The following ETV6 variants were observed in gnomAD, a reference collection of about 807,000 sequenced individuals.
The protein encoded by ETV6 is ETS variant transcription factor 6.
Under a neutral mutation model 51.1 loss-of-function variants are expected in ETV6, and 16 were observed. The ratio of observed to expected loss-of-function variants is 0.31; its 90% CI spans 0.21 to 0.48. The LOEUF (loss-of-function observed/expected upper bound fraction) is 0.48, where lower values mean the gene tolerates loss of function less well. Among genes scored for constraint, ETV6 ranks in the 20% least tolerant of loss-of-function variants. The pLI, the probability that ETV6 is intolerant of heterozygous loss-of-function variation, is 0.99. For missense variants in ETV6, 458 were observed against 594.8 expected (o/e 0.77, Z 2.39); for synonymous variants, 240 against 224.1 (o/e 1.07, Z -0.64).
intron 1 of ETV6, among the ~76,000 whole-genome samples, chr12:11,736,236 A>G (rs1196862375): frequency 1.3e-5 from 2 of 152,230 alleles, no homozygotes; most frequent in Admixed American, 1.3e-4. Flanking sequence ...TTCATTCACC[A>G]GACAATTGTT....
At chr12:11,734,665 A>G (rs1267943368) in intron 1 of ETV6, among the ~76,000 whole-genome samples, 1 of 152,124 alleles carries the variant, frequency 6.6e-6, no homozygotes, top group African/African-American at 2.4e-5. Context: ...GCACTATGCA[A>G]AATTGTAGGG....
intron 1 of ETV6, among the ~76,000 whole-genome samples, chr12:11,729,717 G>T (rs1184574243): frequency 6.6e-6 from 1 of 152,044 alleles, no homozygotes; most frequent in Non-Finnish European, 1.5e-5. Context: ...TTGACCTCTG[G>T]ATAAAACTGT....
At position 11,723,991 on chromosome 12, in the gene ETV6, A is replaced by G. The variant is rs192092289; in HGVS notation, c.34-28459A>G. On this transcript the variant is annotated intron_variant, in intron 1 of 7. Transcript: ENST00000396373. ...AGAACAGGGCCTTTAAAGTCACCCT[A>G]TGTTCTCTGACCCGTGCAGTGGTGG... Among the ~76,000 whole-genome samples, 604 of 151,848 alleles carry G rather than the reference A, an allele frequency of 4.0e-3. 7 individuals carry two copies. Among genetic ancestry groups the G allele is most frequent in the African/African-American group, 0.014 (570 of 41,408 alleles).
intron 3 of ETV6, among the ~76,000 whole-genome samples, chr12:11,848,421 T>G (rs1024965493): frequency 1.3e-5 from 2 of 152,236 alleles, no homozygotes; most frequent in African/African-American, 4.8e-5. Flanking sequence ...CAACAGCATC[T>G]TGCATGTTCT....
At chr12:11,860,132 C>T (rs558566691) in intron 4 of ETV6, among the ~76,000 whole-genome samples, 182 of 152,266 alleles carry the variant, frequency 1.2e-3, no homozygotes, top group Non-Finnish European at 2.1e-3. Flanking sequence ...GTGCAGGTCA[C>T]GCCTTGAAAG....
chr12:11,788,712 T>C (rs1945526571), intron 2 of ETV6, among the ~76,000 whole-genome samples: 1 of 152,030 alleles, frequency 6.6e-6, no homozygotes, highest in African/African-American at 2.4e-5. Flanking sequence ...ACTGATTCTT[T>C]TGTCATTCAC....
At chr12:11,827,664 G>A (rs1052790483) in intron 2 of ETV6, among the ~76,000 whole-genome samples, 7 of 152,108 alleles carry the variant, frequency 4.6e-5, no homozygotes, top group Non-Finnish European at 1.0e-4. Context: ...AGAGACACCC[G>A]AGAGGGCTGG....
chr12:11,808,498 G>T (rs1031317795), intron 2 of ETV6, among the ~76,000 whole-genome samples: 3 of 150,382 alleles, frequency 2.0e-5, no homozygotes, highest in African/African-American at 7.3e-5. Flanking sequence ...TTTCAGAATA[G>T]CATATAACAA....
intron 1 of ETV6, among the ~76,000 whole-genome samples, chr12:11,700,358 G>T (rs2724650): frequency 0.98 from 148,523 of 152,306 alleles, 72,517 homozygotes; most frequent in East Asian, 1. Context: ...CAATAGGTAG[G>T]TTTTCAACCT....
chr12:11,854,409 G>C (rs2710266), intron 4 of ETV6, among the ~76,000 whole-genome samples: 60,984 of 151,966 alleles, frequency 0.4, 14,458 homozygotes, highest in South Asian at 0.59. Flanking sequence ...TGGGGACCCC[G>C]CCTTAGAAAT....
chr12:11,820,216 A>G (rs1178421906), intron 2 of ETV6, among the ~76,000 whole-genome samples: 1 of 152,164 alleles, frequency 6.6e-6, no homozygotes, highest in Non-Finnish European at 1.5e-5. Context: ...AAACCCAGGA[A>G]ACCTGACTCC....
intron 1 of ETV6, among the ~76,000 whole-genome samples, chr12:11,681,802 GA>G (rs1386603504): frequency 1.3e-5 from 2 of 152,188 alleles, no homozygotes; most frequent in Admixed American, 1.3e-4. Flanking sequence ...TCCCATTTAT[GA>G]GTGAGAACAT....
At chr12:11,771,097 C>T (rs1945236620) in intron 2 of ETV6, among the ~76,000 whole-genome samples, 1 of 152,216 alleles carries the variant, frequency 6.6e-6, no homozygotes, top group South Asian at 2.1e-4. Flanking sequence ...GAAAACATAG[C>T]AGGACTTTGT....
At chr12:11,850,578 A>C (rs942878660) in intron 3 of ETV6, among the ~76,000 whole-genome samples, 3 of 152,268 alleles carry the variant, frequency 2.0e-5, no homozygotes, top group African/African-American at 7.2e-5. Flanking sequence ...GTGGTAGTAA[A>C]ATCAATGACT....
intron 1 of ETV6, among the ~76,000 whole-genome samples, chr12:11,700,620 ATTC>A (rs1864961371): frequency 6.6e-6 from 1 of 152,222 alleles, no homozygotes; most frequent in Non-Finnish European, 1.5e-5. Context: ...TATATACTAT[ATTC>A]TTATAGTACA....
intron 1 of ETV6, among the ~76,000 whole-genome samples, chr12:11,742,798 TTTCTTTC>T (rs1250832370): frequency 1.6e-4 from 11 of 68,640 alleles, no homozygotes; most frequent in Middle Eastern, 9.8e-3. Flanking sequence ...TTTTCTTTTC[TTTCTTTC>T]TTTTTTTTTT....
chr12:11,729,738 A>G lies in ETV6; in HGVS notation c.34-22712A>G, dbSNP rs763645011. ...TCTGGATAAAACTGTACTGGGCATTACTATTTTATTGATTGTTCTCTCAAC... is the reference window on the plus strand; with the variant it reads ...TCTGGATAAAACTGTACTGGGCATTGCTATTTTATTGATTGTTCTCTCAAC... On this transcript the variant is annotated intron_variant, in intron 1 of 7. Transcript: ENST00000396373. Among the ~76,000 whole-genome samples the G allele has an allele frequency of 6.2e-4, 95 of 152,174 alleles. 2 individuals are homozygous for G. The highest frequency in any genetic ancestry group is 1.3e-3 in the Non-Finnish European group (86 of 68,014).
chr12:11,887,088 A>G (rs533570322), intron 7 of ETV6, among the ~76,000 whole-genome samples: 8 of 152,340 alleles, frequency 5.3e-5, no homozygotes, highest in Non-Finnish European at 1.0e-4. Flanking sequence ...AGTAAAAGCA[A>G]TTAAGATCTT....
chr12:11,869,416 C>T lies in ETV6; in HGVS notation c.464-8C>T. On this transcript the variant is annotated splice_polypyrimidine_tract_variant and splice_region_variant and intron_variant, in intron 4 of 7. Coordinates refer to ENST00000396373, the MANE Select transcript of ETV6 (RefSeq NM_001987.5). The surrounding 1 kb of genome is among the most constrained non-coding windows in gnomAD (Gnocchi z 5.0). ...GGGTCTGTGATTGTCTTTCCCTCTGCTCCACAGATAACTGTGTCCAGAGGA... is the reference window on the plus strand; with the variant it reads ...GGGTCTGTGATTGTCTTTCCCTCTGTTCCACAGATAACTGTGTCCAGAGGA... 19 of 1,596,552 alleles carry T rather than the reference C, an allele frequency of 1.2e-5. No homozygotes were observed. The highest frequency in any genetic ancestry group is 1.6e-5 in the Non-Finnish European group (19 of 1,170,328).
Sources: gnomAD v4.1 joint callset for allele counts (sites outside exome capture counted in the v4.1 genomes callset) on GRCh38, gnomAD v4.1.1 for gene constraint, Gnocchi (gnomAD v3.1) non-coding constraint, MANE v1.5 for transcripts, NCBI Gene and HGNC (gene_info 2026-07-23, HGNC 2026-07-21) for gene names.